The following RABGAP1 variants were observed in gnomAD, a reference collection of about 807,000 sequenced individuals.
RABGAP1 encodes RAB GTPase activating protein 1, also known as rab GTPase-activating protein 1.
RABGAP1 carries 23 observed loss-of-function variants against 137.6 expected under a neutral mutation model. The ratio of observed to expected loss-of-function variants is 0.17; its 90% CI spans 0.12 to 0.24. RABGAP1 has a LOEUF of 0.24. Among genes scored for constraint, RABGAP1 ranks in the 10% least tolerant of loss-of-function variants. The pLI, the probability that RABGAP1 is intolerant of heterozygous loss-of-function variation, is 1.00. For synonymous variants in RABGAP1, 451 were observed against 450.7 expected (o/e 1.00, Z -0.01); for missense variants, 906 against 1,275.8 (o/e 0.71, Z 4.42).
intron 10 of RABGAP1, among the ~76,000 whole-genome samples, chr9:123,009,395 T>C (rs2030597199): frequency 6.6e-6 from 1 of 152,224 alleles, no homozygotes; most frequent in Non-Finnish European, 1.5e-5. Context: ...CTGCTCTGGC[T>C]GATATTTCTA....
chr9:123,067,638 G>A (rs62580312), intron 14 of RABGAP1, among the ~76,000 whole-genome samples: 126 of 152,252 alleles, frequency 8.3e-4, no homozygotes, highest in Non-Finnish European at 1.5e-3. Flanking sequence ...CCACTGAACC[G>A]TGATGTCTTC....
intron 10 of RABGAP1, among the ~76,000 whole-genome samples, chr9:123,005,208 A>G (rs2030121563): frequency 6.6e-6 from 1 of 151,242 alleles, no homozygotes; most frequent in African/African-American, 2.4e-5. Flanking sequence ...ACTGGGAATA[A>G]TTTTTTATTG....
intron 13 of RABGAP1, among the ~76,000 whole-genome samples, chr9:123,043,718 G>C (rs1488165697): frequency 6.6e-6 from 1 of 151,862 alleles, no homozygotes; most frequent in Non-Finnish European, 1.5e-5. Context: ...GTCTAAAGTG[G>C]AAAAACCCAG....
rs776809756 is a variant in RABGAP1, at chr9:122,997,364, G to A, written c.1204+3G>A. The A allele has an allele frequency of 1.3e-6, 2 of 1,580,818 alleles. No homozygotes were observed. Among genetic ancestry groups the A allele is most frequent in the Non-Finnish European group, 1.7e-6 (2 of 1,159,824 alleles). On this transcript the variant is annotated splice_donor_region_variant and intron_variant, in intron 9 of 25. Coordinates refer to ENST00000373647, the MANE Select transcript of RABGAP1 (RefSeq NM_012197.4). ...TGTAAATGAAGAAACTCCTAAAGGT[G>A]ATACAGATTGTTGACATCATGAACA...
chr9:122,960,657 C>T (rs12375673), intron 2 of RABGAP1, among the ~76,000 whole-genome samples: 7,152 of 152,146 alleles, frequency 0.047, 237 homozygotes, highest in Non-Finnish European at 0.066. Flanking sequence ...CCAGACATCC[C>T]GTTAAAAAAG....
At chr9:123,090,458 A>G in intron 21 of RABGAP1, 73 bp downstream of exon 21, 2 of 1,240,096 alleles carry the variant, frequency 1.6e-6, no homozygotes, top group Non-Finnish European at 2.2e-6. Flanking sequence ...AAATCCTGGA[A>G]TTTTAGTGAT....
intron 13 of RABGAP1, among the ~76,000 whole-genome samples, chr9:123,059,424 G>A (rs1169173280): frequency 5.3e-5 from 8 of 152,008 alleles, no homozygotes; most frequent in Admixed American, 1.3e-4. Context: ...GCGTGGTGGC[G>A]GGCACCTGTA....
At position 122,997,374 on chromosome 9, in the gene RABGAP1, G is replaced by T; in HGVS notation, c.1204+13G>T. 6.4e-7 allele frequency: 1 copy of T among 1,558,022 alleles called. No individual in the cohort carries two copies. ...GAAACTCCTAAAGGTGATACAGATT[G>T]TTGACATCATGAACAGAAATTTTAG... On this transcript the variant is annotated intron_variant, in intron 9 of 25. Coordinates refer to ENST00000373647, the MANE Select transcript of RABGAP1 (RefSeq NM_012197.4).
chr9:122,942,243 G>A (rs1833621543), intron 1 of RABGAP1, among the ~76,000 whole-genome samples: 1 of 152,194 alleles, frequency 6.6e-6, no homozygotes, highest in Admixed American at 6.5e-5. Flanking sequence ...TGTTTGAAAA[G>A]TAGTTGGGAA....
At chr9:123,080,994 T>C (rs957403852) in intron 19 of RABGAP1, among the ~76,000 whole-genome samples, 5 of 152,172 alleles carry the variant, frequency 3.3e-5, no homozygotes, top group African/African-American at 1.2e-4. Context: ...CTGCCTCTGC[T>C]ACCTTTGAGA....
intron 8 of RABGAP1, 80 bp from the exon 9 acceptor site, chr9:122,997,162 ATTTTTGCAGCTTCTGGT>A: frequency 1.2e-6 from 1 of 819,450 alleles, no homozygotes; most frequent in Non-Finnish European, 2.0e-6. Context: ...ATATTCTTAT[ATTTTTGCAGCTTCTGGT>A]TTTTAAAGGC....
rs1320461619 is a variant in RABGAP1, at chr9:123,099,396, A to G, written c.2818-82A>G. 2.3e-6 allele frequency: 3 copies of G among 1,307,844 alleles called. No homozygotes were observed. In the African/African-American group the frequency reaches 4.4e-5, roughly 19 times the overall value. The allele number at this position is 1,307,844 out of a possible 1,614,324, so 81.0% of individuals were successfully genotyped here. On this transcript the variant is annotated intron_variant, in intron 23 of 25. Coordinates refer to ENST00000373647, the MANE Select transcript of RABGAP1 (RefSeq NM_012197.4). ...TTTGCTACTATGTTAATTCCAATTT[A>G]CATATTCCAGCTTCCACTATGGAAT...
At chr9:122,943,733 A>C (rs548899562) in intron 1 of RABGAP1, among the ~76,000 whole-genome samples, 1 of 152,046 alleles carries the variant, frequency 6.6e-6, no homozygotes, top group African/African-American at 2.4e-5. Flanking sequence ...GCAGGCGGAT[A>C]ACAAGGTCAG....
intron 24 of RABGAP1, among the ~76,000 whole-genome samples, chr9:123,100,160 G>T (rs374591523): frequency 1.3e-5 from 2 of 152,224 alleles, no homozygotes; most frequent in African/African-American, 4.8e-5. Context: ...CAGCTTAGGA[G>T]TTTTTATAAC....
chr9:122,963,207 G>A (rs1401715978), intron 2 of RABGAP1, among the ~76,000 whole-genome samples: 3 of 152,106 alleles, frequency 2.0e-5, no homozygotes, highest in East Asian at 1.9e-4. Flanking sequence ...TCAGAAGTTC[G>A]AGACCAGACT....
At chr9:122,945,350 T>TGTG (rs1294492021) in intron 1 of RABGAP1, 2 of 151,998 alleles carry the variant, frequency 1.3e-5, no homozygotes, top group Non-Finnish European at 2.9e-5. Context: ...AATATGGAAG[T>TGTG]GTGCAAGTCT....
chr9:122,969,854 C>G (rs1835381762), intron 2 of RABGAP1, among the ~76,000 whole-genome samples: 1 of 152,158 alleles, frequency 6.6e-6, no homozygotes, highest in African/African-American at 2.4e-5. Context: ...TTGTGAGCCA[C>G]CACGCCTGGC....
chr9:123,013,295 G>A (rs1040739118), intron 11 of RABGAP1, among the ~76,000 whole-genome samples: 1 of 151,578 alleles, frequency 6.6e-6, no homozygotes, highest in Non-Finnish European at 1.5e-5. Flanking sequence ...GTCTTGCAAG[G>A]TAGTGAAGCT....
the RABGAP1 span, among the ~76,000 whole-genome samples, chr9:122,935,132 C>T: frequency 6.6e-6 from 1 of 152,088 alleles, no homozygotes; most frequent in African/African-American, 2.4e-5. Context: ...TTTGATTCCC[C>T]TCTCATTTCC....
Sources: allele counts gnomAD v4.1 joint callset (sites outside exome capture counted in the v4.1 genomes callset), GRCh38; gene constraint gnomAD v4.1.1; transcripts MANE v1.5; gene names NCBI Gene and HGNC (gene_info 2026-07-23, HGNC 2026-07-21).